The following SMYD3 variants were observed in gnomAD, a reference collection of about 807,000 sequenced individuals.
SMYD3 encodes SET and MYND domain containing 3.
A neutral mutation model predicts 57.7 loss-of-function variants in SMYD3; 36 were observed. The observed-to-expected ratio is 0.62, with a 90% CI of 0.48 to 0.82. The LOEUF is 0.82. SMYD3 is among the 40% of genes least tolerant of loss of function. The pLI, the probability that SMYD3 is intolerant of heterozygous loss-of-function variation, is 0.00. For synonymous variants in SMYD3, 211 were observed against 195.0 expected (o/e 1.08, Z -0.68); for missense variants, 515 against 538.8 (o/e 0.96, Z 0.44).
chr1:246,040,029 T>C (rs2059841381), intron 5 of SMYD3, among the ~76,000 whole-genome samples: 1 of 152,252 alleles, frequency 6.6e-6, no homozygotes, highest in Non-Finnish European at 1.5e-5. Flanking sequence ...ATCTGTGATG[T>C]AATAGAATTA....
rs531507507 is a variant in SMYD3 at position 246,214,784 on chromosome 1, T to C, written c.531+112417A>G. 8.5e-5 allele frequency among the ~76,000 whole-genome samples: 13 copies of C among 152,196 alleles called. No homozygotes were observed. The South Asian group carries it at 2.5e-3, about 29-fold the overall frequency. Reference sequence around the variant, plus strand: ...ATCAAGAAACAGAATCTTCTGAATATGGAGGAATGATCATTAAAACAAAGA... The same window carrying C: ...ATCAAGAAACAGAATCTTCTGAATACGGAGGAATGATCATTAAAACAAAGA... On this transcript the variant is annotated intron_variant, in intron 5 of 11. Transcript: ENST00000490107.
At chr1:245,825,093 A>T (rs1572446495) in intron 10 of SMYD3, among the ~76,000 whole-genome samples, 1 of 152,302 alleles carries the variant, frequency 6.6e-6, no homozygotes, top group Admixed American at 6.5e-5. Context: ...GCAGGAATGG[A>T]CGTGTTACTC....
chr1:246,422,669 G>A (rs761120308), intron 1 of SMYD3, among the ~76,000 whole-genome samples: 1 of 152,080 alleles, frequency 6.6e-6, no homozygotes, highest in Non-Finnish European at 1.5e-5. Context: ...TGATCCACCC[G>A]CCTGAGCCTC....
intron 1 of SMYD3, among the ~76,000 whole-genome samples, chr1:246,495,029 T>A (rs1454647092): frequency 6.6e-6 from 1 of 152,142 alleles, no homozygotes; most frequent in Non-Finnish European, 1.5e-5. Flanking sequence ...CCCAGACTGC[T>A]CTATAATAAT....
chr1:245,971,598 T>C (rs1224862109), intron 5 of SMYD3, among the ~76,000 whole-genome samples: 1 of 152,176 alleles, frequency 6.6e-6, no homozygotes, highest in Non-Finnish European at 1.5e-5. Flanking sequence ...GAGCTTAGGT[T>C]GTTCTCTCTG....
Position 246,009,908 on chromosome 1 carries a change from G to A in SMYD3, c.532-79971C>T, listed in dbSNP as rs188683772. Reference sequence around the variant, plus strand: ...CACTGCAACCTCCGCTTCGTGTCGTGAGATCAAGCAATTCTCCTGCCTCAG... The same window carrying A: ...CACTGCAACCTCCGCTTCGTGTCGTAAGATCAAGCAATTCTCCTGCCTCAG... On this transcript the variant is annotated intron_variant, in intron 5 of 11. Transcript: ENST00000490107. Among the ~76,000 whole-genome samples, 243 of 64,040 alleles carry A rather than the reference G, an allele frequency of 3.8e-3. 2 individuals are homozygous for A. Among genetic ancestry groups the A allele is most frequent in the Non-Finnish European group, 6.3e-3 (193 of 30,644 alleles). 42.0% of individuals were successfully genotyped at this position (64,040 alleles called of 152,430 possible).
At chr1:246,143,414 C>T (rs1257344828) in intron 5 of SMYD3, among the ~76,000 whole-genome samples, 2 of 152,180 alleles carry the variant, frequency 1.3e-5, no homozygotes, top group African/African-American at 4.8e-5. Context: ...ATGGTGCTCA[C>T]ACCTGTAATC....
chr1:246,311,618 A>G (rs1329618942), intron 5 of SMYD3, among the ~76,000 whole-genome samples: 3 of 140,118 alleles, frequency 2.1e-5, no homozygotes, highest in Admixed American at 6.9e-5. Flanking sequence ...TTGAACACTC[A>G]CACGCACACG....
At chr1:246,365,880 GTTCTT>G (rs1472874485) in intron 1 of SMYD3, among the ~76,000 whole-genome samples, 2 of 152,142 alleles carry the variant, frequency 1.3e-5, no homozygotes, top group African/African-American at 4.8e-5. Flanking sequence ...CTGGGAGAGG[GTTCTT>G]TCTTTAGCAA....
At chr1:246,361,175 G>A (rs2065980595) in intron 1 of SMYD3, among the ~76,000 whole-genome samples, 1 of 152,090 alleles carries the variant, frequency 6.6e-6, no homozygotes, top group Non-Finnish European at 1.5e-5. Context: ...TATACAAATG[G>A]CCAACAAGCA....
chr1:246,184,368 A>C (rs1305430955), intron 5 of SMYD3, among the ~76,000 whole-genome samples: 2 of 152,208 alleles, frequency 1.3e-5, no homozygotes, highest in African/African-American at 4.8e-5. Flanking sequence ...GGTCAGTATA[A>C]TTAGTATCTT....
chr1:246,459,459 G>A lies in SMYD3; in HGVS notation c.164+47595C>T, dbSNP rs892713632. On this transcript the variant is annotated intron_variant, in intron 1 of 11. Coordinates refer to ENST00000490107, the MANE Select transcript of SMYD3 (RefSeq NM_001167740.2). Reference sequence around the variant, plus strand: ...GTGGCACGTCCCCCTTCACTCTCTTGTTCTGCTATTCTCGCAATAAGAGTT... The same window carrying A: ...GTGGCACGTCCCCCTTCACTCTCTTATTCTGCTATTCTCGCAATAAGAGTT... Among the ~76,000 whole-genome samples the A allele has an allele frequency of 3.3e-4, 49 of 149,260 alleles. 1 individual carries two copies. The highest frequency in any genetic ancestry group is 1.2e-3 in the African/African-American group (48 of 40,376).
rs533166831 is a variant in SMYD3 at position 246,119,248 on chromosome 1, T to A, written c.532-189311A>T. On this transcript the variant is annotated intron_variant, in intron 5 of 11. Coordinates refer to ENST00000490107, the MANE Select transcript of SMYD3 (RefSeq NM_001167740.2). The stretch of plus-strand genomic sequence containing the variant: ...CCTGGCCTCAAGCTATCCTTCCACC[T>A]TGGCCTCCTAAAGTGCTGGGATTAC... Among the ~76,000 whole-genome samples, 297 of 152,180 alleles carry A rather than the reference T, an allele frequency of 2.0e-3. 3 individuals are homozygous for A. Among genetic ancestry groups the A allele is most frequent in the African/African-American group, 6.2e-3 (258 of 41,514 alleles).
chr1:246,385,926 T>C (rs1195127325), intron 1 of SMYD3, among the ~76,000 whole-genome samples: 1 of 151,976 alleles, frequency 6.6e-6, no homozygotes, highest in Non-Finnish European at 1.5e-5. Flanking sequence ...CGCCACTCTT[T>C]CGCCCAGGCT....
intron 5 of SMYD3, among the ~76,000 whole-genome samples, chr1:246,250,970 T>C (rs1050306671): frequency 6.6e-6 from 1 of 152,212 alleles, no homozygotes; most frequent in Non-Finnish European, 1.5e-5. Context: ...TTCTGTAATT[T>C]TTGTGGGTAC....
chr1:246,495,808 C>T (rs964635685), intron 1 of SMYD3, among the ~76,000 whole-genome samples: 4 of 151,382 alleles, frequency 2.6e-5, no homozygotes, highest in Non-Finnish European at 4.4e-5. Context: ...AAAAATTAGC[C>T]AGGGGTGGTG....
intron 5 of SMYD3, among the ~76,000 whole-genome samples, chr1:246,289,151 T>C (rs542008893): frequency 6.6e-6 from 1 of 152,270 alleles, no homozygotes; most frequent in South Asian, 2.1e-4. Context: ...CGATTGTTAA[T>C]TAAAATTATC....
At chr1:246,354,477 T>C (rs2065879748) in intron 2 of SMYD3, among the ~76,000 whole-genome samples, 1 of 152,140 alleles carries the variant, frequency 6.6e-6, no homozygotes, top group African/African-American at 2.4e-5. Context: ...GGATGTGAAG[T>C]GCATTATTGG....
At chr1:246,275,821 A>G (rs1322881356) in intron 5 of SMYD3, among the ~76,000 whole-genome samples, 1 of 148,646 alleles carries the variant, frequency 6.7e-6, no homozygotes, top group Non-Finnish European at 1.5e-5. Context: ...TAATGCCTCT[A>G]GTGGAGTCTG....
Sources: gnomAD v4.1 joint callset for allele counts (sites outside exome capture counted in the v4.1 genomes callset) on GRCh38, gnomAD v4.1.1 for gene constraint, MANE v1.5 for transcripts, NCBI Gene and HGNC (gene_info 2026-07-23, HGNC 2026-07-21) for gene names.